The following ZNF709 variants were observed in gnomAD, a reference collection of about 807,000 sequenced individuals.
ZNF709 encodes the protein zinc finger protein 709.
A neutral mutation model predicts 10.6 loss-of-function variants in ZNF709; 15 were observed. The ratio of observed to expected loss-of-function variants is 1.41; its 90% CI spans 0.95 to 2.18. The LOEUF (loss-of-function observed/expected upper bound fraction) is 2.18. Among genes scored for constraint, ZNF709 ranks in the 30% most tolerant of loss-of-function variants. The pLI, the probability that ZNF709 is intolerant of heterozygous loss-of-function variation, is 0.00. For missense variants in ZNF709, 589 were observed against 774.0 expected, an observed-to-expected ratio of 0.76 and a Z score of 2.84; for synonymous variants, 194 against 238.8, an observed-to-expected ratio of 0.81 and a Z score of 1.73.
intron 1 of ZNF709, among the ~76,000 whole-genome samples, chr19:12,470,860 G>A (rs1970629012): frequency 6.6e-6 from 1 of 150,814 alleles, no homozygotes. Flanking sequence ...CCGGGAGGCA[G>A]AGCTTGCAGT....
chr19:12,469,410 G>A (rs1970614879), intron 1 of ZNF709, among the ~76,000 whole-genome samples: 1 of 152,092 alleles, frequency 6.6e-6, no homozygotes, highest in South Asian at 2.1e-4. Context: ...TTTGATGGAG[G>A]CAGGAGGTTA....
intron 1 of ZNF709, among the ~76,000 whole-genome samples, chr19:12,478,663 T>A (rs1970695487): frequency 6.6e-6 from 1 of 152,142 alleles, no homozygotes; most frequent in Admixed American, 6.5e-5. Context: ...ATCATTGAGG[T>A]CTTGGGGAAA....
chr19:12,465,436 G>T lies in ZNF709; in HGVS notation c.486C>A (p.His162Gln). The T allele has an allele frequency of 3.7e-6, 6 of 1,613,016 alleles. No individual in the cohort carries two copies. Among genetic ancestry groups the T allele is most frequent in the Non-Finnish European group, 5.1e-6 (6 of 1,179,596 alleles). Residue 162 changes from histidine to glutamine, a missense_variant, in exon 4 of 4, where the codon CAC becomes CAA. His to Gln is a conservative substitution (Grantham distance 24). Coordinates refer to ENST00000397732, the MANE Select transcript of ZNF709 (RefSeq NM_152601.4). ...TACATTTATAGGGTTTCTCTCCAGT[G>T]TGAGTTCTTTCATGTATTCGAAATG... ...RSSFRIHERT[H>Q]TGEKPYKCKQ...
At chr19:12,481,011 T>C (rs1568249577) in intron 1 of ZNF709, 1 of 200,890 alleles carries the variant, frequency 5.0e-6, no homozygotes, top group Non-Finnish European at 8.8e-6. Context: ...CTCAAACTCC[T>C]GGGCTCAAGC....
rs201606333 is a variant in ZNF709, at chr19:12,464,302, C to T, written c.1620G>A (p.Ala540=). The change falls in exon 4 of 4, where the codon GCG becomes GCA. Residue 540 remains alanine, a synonymous_variant. Coordinates refer to ENST00000397732, the MANE Select transcript of ZNF709 (RefSeq NM_152601.4). ...KPYECKQCGK[A]FSCSSSIRIH... ...TTCGAATGGAACTGGAACAACTAAA[C>T]GCCTTACCACACTGTTTACATTCAT... The T allele has an allele frequency of 5.3e-5, 84 of 1,571,824 alleles. No individual in the cohort carries two copies. Among genetic ancestry groups the T allele is most frequent in the African/African-American group, 5.2e-4 (36 of 69,234 alleles).
At chr19:12,474,539 T>C (rs1316185630) in intron 1 of ZNF709, among the ~76,000 whole-genome samples, 3 of 152,232 alleles carry the variant, frequency 2.0e-5, no homozygotes, top group South Asian at 4.1e-4. Context: ...TAGATAAATA[T>C]GGAGAAGCAG....
At position 12,481,425 on chromosome 19, in the gene ZNF709, C is replaced by T. The variant is rs75386171; in HGVS notation, c.3+3230G>A. ...TGGTTAATTTTTATATTTTTAGTAG[C>T]GACAGGGTTTCACCAAGTTGGCCAG... On this transcript the variant is annotated intron_variant, in intron 1 of 3. Transcript: ENST00000397732. Among the ~76,000 whole-genome samples the T allele has an allele frequency of 4.0e-5, 6 of 151,380 alleles. No homozygotes were observed. The East Asian group carries it at 1.2e-3, about 29-fold the overall frequency.
At position 12,461,728 on chromosome 19, in the gene ZNF709, G is replaced by C. The variant is rs1970517559; in HGVS notation, c.*2268C>G. The C allele has an allele frequency of 6.6e-6, 1 of 152,166 alleles. No individual in the cohort carries two copies. The highest frequency in any genetic ancestry group is 1.5e-5 in the Non-Finnish European group (1 of 68,048). The allele number at this position is 152,166 out of a possible 1,614,324, so 9.4% of individuals were successfully genotyped here. A position where few individuals can be genotyped will look rare whatever the true frequency, so the allele number is the denominator to read the frequency against. On this transcript the variant is annotated 3_prime_UTR_variant, in exon 4 of 4. Transcript: ENST00000397732. ...AAAATCCAAACTGCAGTGCATCTTT[G>C]AGTAGAACTTTTGAAGACAATTTGT...
At chr19:12,468,303 G>A (rs1970602440) in intron 1 of ZNF709, among the ~76,000 whole-genome samples, 1 of 152,202 alleles carries the variant, frequency 6.6e-6, no homozygotes, top group South Asian at 2.1e-4. Flanking sequence ...CTGTGTCTGT[G>A]TAGAAAGAAG....
intron 3 of ZNF709, among the ~76,000 whole-genome samples, chr19:12,466,097 C>T (rs1970568573): frequency 6.6e-6 from 1 of 152,102 alleles, no homozygotes. Context: ...CCCACCACCA[C>T]ACCTGGCTAA....
chr19:12,467,790 GCGA>G (rs1970590620), intron 1 of ZNF709, among the ~76,000 whole-genome samples: 1 of 145,788 alleles, frequency 6.9e-6, no homozygotes. Context: ...CTGCCCGGCC[GCGA>G]CCCCGTCTGG....
chr19:12,465,251 T>C lies in ZNF709; in HGVS notation c.671A>G (p.Tyr224Cys). 6.2e-7 allele frequency: 1 copy of C among 1,613,542 alleles called. No individual in the cohort carries two copies. Among genetic ancestry groups the C allele is most frequent in the Non-Finnish European group, 8.5e-7 (1 of 1,179,614 alleles). Residue 224 changes from tyrosine to cysteine, a missense_variant, in exon 4 of 4, where the codon TAT becomes TGT. By Grantham distance (194) the Tyr-to-Cys change is radical. Transcript: ENST00000397732. The stretch of plus-strand genomic sequence containing the variant: ...CGTTTTCCCGCATTCTTTACATTTA[T>C]AGGGTTTCTCCCCTGTGTGCATTCT... ...HMRMHTGEKP[Y>C]KCKECGKTFS...
intron 1 of ZNF709, among the ~76,000 whole-genome samples, chr19:12,475,093 A>G (rs942011643): frequency 1.3e-5 from 2 of 151,898 alleles, no homozygotes; most frequent in African/African-American, 4.8e-5. Flanking sequence ...CCCTGTTTCT[A>G]CTAAAAATAC....
At chr19:12,466,291 T>C in intron 3 of ZNF709, among the ~76,000 whole-genome samples, 171 bp downstream of exon 3, 1 of 152,218 alleles carries the variant, frequency 6.6e-6, no homozygotes, top group East Asian at 1.9e-4. Flanking sequence ...GAAATATTTT[T>C]CAAATACTGA....
intron 1 of ZNF709, among the ~76,000 whole-genome samples, chr19:12,470,971 T>C (rs1215879517): frequency 6.6e-6 from 1 of 151,852 alleles, no homozygotes. Flanking sequence ...AAATGGTTTA[T>C]GGAATCAATA....
intron 1 of ZNF709, among the ~76,000 whole-genome samples, chr19:12,482,507 C>T (rs1016335298): frequency 6.6e-6 from 1 of 152,074 alleles, no homozygotes; most frequent in Admixed American, 6.6e-5. Context: ...AGGTTCTGAC[C>T]CAAATGAACT....
intron 1 of ZNF709, among the ~76,000 whole-genome samples, chr19:12,473,986 C>A (rs766568911): frequency 4.6e-5 from 7 of 152,344 alleles, no homozygotes; most frequent in Non-Finnish European, 7.3e-5. Flanking sequence ...TTTGAGGCTG[C>A]AGTGAGCCAC....
intron 1 of ZNF709, among the ~76,000 whole-genome samples, chr19:12,467,792 G>A (rs966985391): frequency 2.9e-4 from 39 of 133,936 alleles, no homozygotes; most frequent in African/African-American, 1.0e-3. Context: ...GCCCGGCCGC[G>A]ACCCCGTCTG....
intron 1 of ZNF709, among the ~76,000 whole-genome samples, chr19:12,483,392 G>A (rs35230135): frequency 0.41 from 60,693 of 148,758 alleles, 13,937 homozygotes; most frequent in Non-Finnish European, 0.51. Context: ...GAGCTCAAGC[G>A]ATCCTCCTGA....
Sources: gnomAD v4.1 joint callset for allele counts (sites outside exome capture counted in the v4.1 genomes callset) on GRCh38, gnomAD v4.1.1 for gene constraint, MANE v1.5 for transcripts, NCBI Gene and HGNC (gene_info 2026-07-23, HGNC 2026-07-21) for gene names.